The following NASP variants were observed in gnomAD, a reference collection of about 807,000 sequenced individuals.
NASP encodes nuclear autoantigenic sperm protein.
Under a neutral mutation model 89.5 loss-of-function variants are expected in NASP, and 24 were observed. That is an observed-to-expected ratio of 0.27 (90% CI 0.19 to 0.38). The LOEUF is 0.38. Ranked by LOEUF, NASP falls within the 10% of genes least tolerant of loss-of-function variation. The pLI, the probability that NASP is intolerant of heterozygous loss-of-function variation, is 1.00. For synonymous variants in NASP, 306 were observed against 324.7 expected, an observed-to-expected ratio of 0.94 and a Z score of 0.62; for missense variants, 848 against 921.4, an observed-to-expected ratio of 0.92 and a Z score of 1.03.
chr1:45,585,744 C>T (rs114229845), intron 1 of NASP, among the ~76,000 whole-genome samples: 6,142 of 152,194 alleles, frequency 0.04, 192 homozygotes, highest in Non-Finnish European at 0.062. Flanking sequence ...CTCACTGCAA[C>T]CTCGAACTCC....
chr1:45,595,092 C>T (rs1377389309), intron 2 of NASP, among the ~76,000 whole-genome samples: 1 of 148,092 alleles, frequency 6.8e-6, no homozygotes, highest in Admixed American at 6.8e-5. Context: ...ACTCCTGGAC[C>T]AAGAGATACT....
intron 1 of NASP, among the ~76,000 whole-genome samples, chr1:45,590,419 A>G (rs1206045287): frequency 6.6e-6 from 1 of 151,384 alleles, no homozygotes; most frequent in Non-Finnish European, 1.5e-5. Flanking sequence ...TGGCCGGTGC[A>G]CAGGCACCGG....
rs769649287 is a variant in NASP at position 45,617,603 on chromosome 1, A to G, written c.2286+12A>G. ...ACATGGAGGAGGAGGTGGGCAGTTA[A>G]GCAGGGCTTAGCCTCTTGCCTCATT... On this transcript the variant is annotated intron_variant, in intron 14 of 14. Transcript: ENST00000350030. 6.4e-7 allele frequency: 1 copy of G among 1,570,984 alleles called. No individual in the cohort carries two copies. Among genetic ancestry groups the G allele is most frequent in the South Asian group, 1.2e-5 (1 of 82,418 alleles).
At chr1:45,604,160 A>G (rs1407818050) in intron 3 of NASP, among the ~76,000 whole-genome samples, 1 of 152,146 alleles carries the variant, frequency 6.6e-6, no homozygotes, top group Non-Finnish European at 1.5e-5. Flanking sequence ...GTTACTCTCA[A>G]TAGACTCTTA....
At position 45,600,087 on chromosome 1, in the gene NASP, A is replaced by T. The variant is rs77179426; in HGVS notation, c.108-2168A>T. 3.0e-3 allele frequency among the ~76,000 whole-genome samples: 459 copies of T among 151,800 alleles called. 4 individuals carry two copies. The highest frequency in any genetic ancestry group is 0.022 in the East Asian group (115 of 5,168). On this transcript the variant is annotated intron_variant, in intron 2 of 14. Transcript: ENST00000350030. ...TGTGCCCAGCAATATCAGGTACCCA[A>T]GTATTGTTGATTGAATTAAGAAGAG...
At chr1:45,608,924 T>G (rs1223221073) in intron 6 of NASP, among the ~76,000 whole-genome samples, 1 of 152,160 alleles carries the variant, frequency 6.6e-6, no homozygotes, top group Admixed American at 6.5e-5. Context: ...AGGAAGTGTT[T>G]AGAGGCTTAT....
At chr1:45,609,481 C>A (rs1353116157) in intron 6 of NASP, 1 of 143,980 alleles carries the variant, frequency 6.9e-6, no homozygotes, top group Non-Finnish European at 1.5e-5. Flanking sequence ...GAAAAAAGCA[C>A]AGAACTAAAT....
intron 2 of NASP, 125 bp downstream of exon 2, chr1:45,591,395 C>G: frequency 1.5e-6 from 1 of 677,810 alleles, no homozygotes; most frequent in South Asian, 2.1e-5. Flanking sequence ...CGCTTTGTTG[C>G]TCAGGCCGAA....
At chr1:45,599,235 C>G (rs908175796) in intron 2 of NASP, among the ~76,000 whole-genome samples, 16 of 152,040 alleles carry the variant, frequency 1.1e-4, no homozygotes, top group African/African-American at 3.9e-4. Flanking sequence ...CTCAAACAGT[C>G]TTCCTGCCTT....
At chr1:45,599,099 TTAAA>T (rs1452105370) in intron 2 of NASP, among the ~76,000 whole-genome samples, 6 of 152,294 alleles carry the variant, frequency 3.9e-5, no homozygotes, top group African/African-American at 1.4e-4. Context: ...TCCTTTTTTT[TTAAA>T]TAGAGAAAGA....
At chr1:45,613,588 C>T (rs965190706) in intron 7 of NASP, among the ~76,000 whole-genome samples, 4 of 152,166 alleles carry the variant, frequency 2.6e-5, no homozygotes, top group African/African-American at 9.7e-5. Context: ...TTCAAGGAAT[C>T]CTTCTGCCTC....
intron 2 of NASP, among the ~76,000 whole-genome samples, chr1:45,598,851 G>T (rs1313405406): frequency 6.6e-6 from 1 of 152,076 alleles, no homozygotes; most frequent in East Asian, 1.9e-4. Flanking sequence ...TAAAGTGGGG[G>T]TAATAATTCA....
chr1:45,615,372 A>G lies in NASP; in HGVS notation c.1923A>G (p.Glu641=). The change falls in exon 11 of 15, where the codon GAA becomes GAG. Residue 641 remains glutamate (E), a synonymous_variant. Coordinates refer to ENST00000350030, the MANE Select transcript of NASP (RefSeq NM_002482.4). ...CTGAATACAAGAAAGAAATTGAGGA[A>G]CTAAAGGAACTGCTACCCGAAATTA... ...SSAEYKKEIE[E]LKELLPEIRE... is the part of the protein sequence containing the mutation. The G allele has an allele frequency of 1.2e-6, 2 of 1,614,212 alleles. No homozygotes were observed. Among genetic ancestry groups the G allele is most frequent in the Non-Finnish European group, 1.7e-6 (2 of 1,180,012 alleles).
rs187474681 is a variant in NASP, at chr1:45,602,875, T to C, written c.218+510T>C. On this transcript the variant is annotated intron_variant, in intron 3 of 14. Coordinates refer to ENST00000350030, the MANE Select transcript of NASP (RefSeq NM_002482.4). ...TTGGGCTTAAGCGATTCGTCCACCTTGGCCTCCCAGAGTGCTTTGCAAAGG... is the reference window on the plus strand; with the variant it reads ...TTGGGCTTAAGCGATTCGTCCACCTCGGCCTCCCAGAGTGCTTTGCAAAGG... Among the ~76,000 whole-genome samples, 354 of 152,316 alleles carry C rather than the reference T, an allele frequency of 2.3e-3. 5 individuals are homozygous for C. Among genetic ancestry groups the C allele is most frequent in the African/African-American group, 8.2e-3 (342 of 41,568 alleles).
intron 11 of NASP, among the ~76,000 whole-genome samples, chr1:45,615,888 A>G (rs771704098): frequency 2.2e-4 from 33 of 152,206 alleles, no homozygotes; most frequent in Non-Finnish European, 4.1e-4. Flanking sequence ...TCAGTCCTCA[A>G]AAAGTTTCAG....
chr1:45,607,871 C>T lies in NASP; in HGVS notation c.960C>T (p.Thr320=), dbSNP rs756795658. 1 of 1,614,016 alleles carries T rather than the reference C, an allele frequency of 6.2e-7. No individual in the cohort carries two copies. The highest frequency in any genetic ancestry group is 8.5e-7 in the Non-Finnish European group (1 of 1,180,034). ...ACGAGCCAGAGGAGAAGGTAGTTAC[C>T]TCTGAAAACGAGGCAGGAAAGGCGG... ...GGDEPEEKVV[T]SENEAGKAVL... is the part of the protein sequence containing the mutation. Residue 320 remains threonine, a synonymous_variant, in exon 6 of 15, where the codon ACC becomes ACT. Transcript: ENST00000350030.
chr1:45,616,362 C>T lies in NASP; in HGVS notation c.2048C>T (p.Thr683Ile), dbSNP rs2148375417. The T allele has an allele frequency of 6.2e-7, 1 of 1,614,210 alleles. No homozygotes were observed. Among genetic ancestry groups the T allele is most frequent in the South Asian group, 1.1e-5 (1 of 91,088 alleles). Residue 683 changes from threonine to isoleucine, a missense_variant, in exon 12 of 15, where the codon ACT (threonine) becomes ATT (isoleucine). Thr to Ile is a moderately conservative substitution (Grantham distance 89). This residue lies in a region of NASP where 218 missense variants were observed against 219.6 expected (regional missense o/e 0.99). Coordinates refer to ENST00000350030, the MANE Select transcript of NASP (RefSeq NM_002482.4). ...GTGGAGAGTTCTACTTCAGGTTTCA[C>T]TCCTGGTGGAGGAGGCTCTTCAGTC... ...TLVESSTSGFTPGGGGSSVSM... is the reference protein window; with the variant it reads ...TLVESSTSGFIPGGGGSSVSM...
At chr1:45,593,178 C>CA (rs1196497150) in intron 2 of NASP, among the ~76,000 whole-genome samples, 1 of 151,952 alleles carries the variant, frequency 6.6e-6, no homozygotes, top group African/African-American at 2.4e-5. Context: ...GGTTGTTGGC[C>CA]AAAGATTCAT....
In NASP at chr1:45,607,873, C is replaced by T; in HGVS notation, c.962C>T (p.Ser321Phe). 3.1e-6 allele frequency: 5 copies of T among 1,614,154 alleles called. No homozygotes were observed. The highest frequency in any genetic ancestry group is 4.2e-6 in the Non-Finnish European group (5 of 1,180,032). The change falls in exon 6 of 15, where the codon TCT (serine) becomes TTT (phenylalanine). Residue 321 changes from serine (S) to phenylalanine (F), a missense_variant. Ser to Phe is a radical substitution (Grantham distance 155). Transcript: ENST00000350030. ...GAGCCAGAGGAGAAGGTAGTTACCT[C>T]TGAAAACGAGGCAGGAAAGGCGGTT... ...GDEPEEKVVT[S>F]ENEAGKAVLE...
Sources: allele counts gnomAD v4.1 joint callset (sites outside exome capture counted in the v4.1 genomes callset), GRCh38; gene constraint gnomAD v4.1.1; regional missense constraint gnomAD v4.1.1; transcripts MANE v1.5; gene names NCBI Gene and HGNC (gene_info 2026-07-23, HGNC 2026-07-21).